The following BTBD8 variants were observed in gnomAD, a reference collection of about 807,000 sequenced individuals.
BTBD8 encodes BTB/POZ domain-containing protein 8.
BTBD8 carries 110 observed loss-of-function variants against 162.9 expected under a neutral mutation model. The observed-to-expected ratio is 0.68, with a 90% confidence interval of 0.58 to 0.79. The LOEUF is 0.79. Among genes scored for constraint, BTBD8 ranks in the 30% least tolerant of loss-of-function variants. The probability of loss-of-function intolerance (pLI) is 0.00; values close to 1 mark genes in which losing one functional copy is unlikely to be tolerated. For synonymous variants in BTBD8, 667 were observed against 716.1 expected (o/e 0.93, Z 1.10); for missense variants, 1,905 against 2,085.4 (o/e 0.91, Z 1.68).
intron 3 of BTBD8, among the ~76,000 whole-genome samples, chr1:92,106,034 G>T (rs1648715850): frequency 6.6e-6 from 1 of 152,196 alleles, no homozygotes; most frequent in Admixed American, 6.5e-5. Context: ...CCTTAAGTAG[G>T]AACTCAAAGT....
chr1:92,184,062 T>G lies in BTBD8; in HGVS notation c.5111T>G (p.Leu1704Arg), dbSNP rs1262046716. 1 of 1,551,680 alleles carries G rather than the reference T, an allele frequency of 6.4e-7. No homozygotes were observed. The highest frequency in any genetic ancestry group is 1.2e-5 in the South Asian group (1 of 84,068). The part of the protein sequence containing the change: ...AKQDWTLLKQ[L>R]LSEQDSNLDV... ...CAAGATTGGACACTACTAAAGCAAC[T>G]GCTCTCTGAACAGGATTCAAACTTA... Residue 1704 changes from leucine to arginine, a missense_variant, in exon 18 of 18, where the codon CTG becomes CGG. Around this residue, in one of 3 missense-constraint regions of BTBD8, gnomAD observed 517 missense variants for 606.6 expected, o/e 0.85. Coordinates refer to ENST00000636805, the MANE Select transcript of BTBD8 (RefSeq NM_001376131.1).
chr1:92,102,163 C>A (rs1306100252), intron 2 of BTBD8, among the ~76,000 whole-genome samples: 1 of 152,034 alleles, frequency 6.6e-6, no homozygotes, highest in Non-Finnish European at 1.5e-5. Context: ...CTTACAGACA[C>A]CCGCCACCAT....
intron 1 of BTBD8, 50 bp from the exon 2 acceptor site, chr1:92,088,648 C>T (rs1553120771): frequency 1.7e-5 from 24 of 1,380,882 alleles, no homozygotes; most frequent in African/African-American, 5.8e-5. Flanking sequence ...AATATGTATA[C>T]GTTTTTTAGT....
At chr1:92,177,688 G>A (rs1321654552) in intron 14 of BTBD8, 123 bp from the exon 15 acceptor site, 1 of 829,298 alleles carries the variant, frequency 1.2e-6, no homozygotes, top group Non-Finnish European at 1.9e-6. Flanking sequence ...TGCAAACAGA[G>A]AAAATGGTAG....
chr1:92,171,192 G>A (rs940852164), intron 12 of BTBD8, among the ~76,000 whole-genome samples: 3 of 151,422 alleles, frequency 2.0e-5, no homozygotes, highest in African/African-American at 2.4e-5. Context: ...AAAACCTAGG[G>A]GCCAGAGAAT....
At chr1:92,088,069 G>A (rs1648207107) in intron 1 of BTBD8, among the ~76,000 whole-genome samples, 3 of 152,246 alleles carry the variant, frequency 2.0e-5, no homozygotes, top group East Asian at 3.9e-4. Flanking sequence ...AAAGGATCAC[G>A]AATCCATCAT....
chr1:92,088,550 T>G, intron 1 of BTBD8, 148 bp from the exon 2 acceptor site: 1 of 562,170 alleles, frequency 1.8e-6, no homozygotes, highest in Non-Finnish European at 2.8e-6. Context: ...TTTTTTGGAA[T>G]GAACTGAGAA....
intron 10 of BTBD8, among the ~76,000 whole-genome samples, chr1:92,167,421 C>G (rs1293408886): frequency 6.6e-6 from 1 of 152,202 alleles, no homozygotes; most frequent in Admixed American, 6.5e-5. Flanking sequence ...TTTTAGAAAC[C>G]AAAGTCATAA....
At position 92,107,950 on chromosome 1, in the gene BTBD8, G is replaced by A. The variant is rs1570722302; in HGVS notation, c.611G>A (p.Cys204Tyr). 1 of 1,614,100 alleles carries A rather than the reference G, an allele frequency of 6.2e-7. No homozygotes were observed. Among genetic ancestry groups the A allele is most frequent in the Non-Finnish European group, 8.5e-7 (1 of 1,180,002 alleles). ...EDLLKLYVKPCCPDIDIFVDG... is the reference protein window; with the variant it reads ...EDLLKLYVKPYCPDIDIFVDG... The stretch of plus-strand genomic sequence containing the variant: ...TTATTGAAGCTTTATGTGAAACCTT[G>A]TTGCCCAGATATTGATATTTTTGTT... Residue 204 changes from cysteine to tyrosine, a missense_variant, in exon 4 of 18, where the codon TGT (cysteine) becomes TAT (tyrosine). Physicochemically the swap from Cys to Tyr is radical, Grantham distance 194. Around this residue, in one of 3 missense-constraint regions of BTBD8, gnomAD observed 1,374 missense variants for 1,442.7 expected, o/e 0.95. Coordinates refer to ENST00000636805, the MANE Select transcript of BTBD8 (RefSeq NM_001376131.1).
At chr1:92,165,119 C>CAA (rs779526131) in intron 9 of BTBD8, among the ~76,000 whole-genome samples, 12 of 101,256 alleles carry the variant, frequency 1.2e-4, no homozygotes, top group African/African-American at 2.9e-4. Context: ...AGACTTGTGT[C>CAA]AAAAAAAAAA....
intron 13 of BTBD8, among the ~76,000 whole-genome samples, 173 bp downstream of exon 13, chr1:92,171,633 T>G (rs1429173153): frequency 6.6e-6 from 1 of 152,246 alleles, no homozygotes; most frequent in Non-Finnish European, 1.5e-5. Context: ...TGTTTTAAAG[T>G]GAATTTTTTA....
chr1:92,112,247 A>G (rs6673406), intron 4 of BTBD8, among the ~76,000 whole-genome samples: 4,201 of 152,028 alleles, frequency 0.028, 174 homozygotes, highest in African/African-American at 0.094. Flanking sequence ...CCATCTCTAC[A>G]AAAAAATTTA....
chr1:92,184,499 T>A lies in BTBD8; in HGVS notation c.*169T>A. The stretch of plus-strand genomic sequence containing the variant: ...TTAATATATCACATATAGAAAAATG[T>A]TTTTCTAAAGTTTTTGAGCATGTTT... On this transcript the variant is annotated 3_prime_UTR_variant, in exon 18 of 18. Coordinates refer to ENST00000636805, the MANE Select transcript of BTBD8 (RefSeq NM_001376131.1). 1 of 440,492 alleles carries A rather than the reference T, an allele frequency of 2.3e-6. No homozygotes were observed. 27.3% of individuals were successfully genotyped at this position (440,492 alleles called of 1,614,324 possible).
At position 92,133,137 on chromosome 1, in the gene BTBD8, A is replaced by G. The variant is rs537385560; in HGVS notation, c.752+3361A>G. ...TACACAAAACAAATTCCAGTTTCCC[A>G]TTAACTTACATTGTAAACCTGGGCA... is the stretch of plus-strand genomic sequence containing the variant. On this transcript the variant is annotated intron_variant, in intron 5 of 17. Transcript: ENST00000636805. Among the ~76,000 whole-genome samples, 7 of 152,280 alleles carry G rather than the reference A, an allele frequency of 4.6e-5. No homozygotes were observed. The South Asian group carries it at 6.2e-4, about 14-fold the overall frequency.
At chr1:92,085,447 C>T (rs1228727836) in intron 1 of BTBD8, among the ~76,000 whole-genome samples, 1 of 152,162 alleles carries the variant, frequency 6.6e-6, no homozygotes, top group Non-Finnish European at 1.5e-5. Flanking sequence ...CAAAAACTAG[C>T]CTGGCATGGT....
At chr1:92,139,270 G>T in intron 5 of BTBD8, 80 bp from the exon 6 acceptor site, 1 of 1,446,238 alleles carries the variant, frequency 6.9e-7, no homozygotes, top group Non-Finnish European at 9.2e-7. Flanking sequence ...ATCTTGGCTC[G>T]AAGTTTATGG....
Position 92,184,402 on chromosome 1 carries a change from T to A in BTBD8, c.*72T>A. ...GCCTATATTATATCCAAATGATAAT[T>A]GCATTAGCCGGATATAAACTTTCTT... On this transcript the variant is annotated 3_prime_UTR_variant, in exon 18 of 18. Coordinates refer to ENST00000636805, the MANE Select transcript of BTBD8 (RefSeq NM_001376131.1). 1 of 911,340 alleles carries A rather than the reference T, an allele frequency of 1.1e-6. No homozygotes were observed. The highest frequency in any genetic ancestry group is 1.6e-6 in the Non-Finnish European group (1 of 613,152). 56.5% of individuals were successfully genotyped at this position (911,340 alleles called of 1,614,324 possible).
At chr1:92,129,811 A>G in intron 5 of BTBD8, 35 bp downstream of exon 5, 1 of 1,522,892 alleles carries the variant, frequency 6.6e-7, no homozygotes, top group Non-Finnish European at 9.1e-7. Context: ...TTGACTGCAA[A>G]TGATTGTAAA....
At chr1:92,163,578 A>T (rs951857833) in intron 9 of BTBD8, among the ~76,000 whole-genome samples, 18 of 145,112 alleles carry the variant, frequency 1.2e-4, no homozygotes, top group South Asian at 2.2e-4. Flanking sequence ...ACATTTGAAA[A>T]TTTTTTTTTT....
Sources: allele counts gnomAD v4.1 joint callset (sites outside exome capture counted in the v4.1 genomes callset), GRCh38; gene constraint gnomAD v4.1.1; regional missense constraint gnomAD v4.1.1; transcripts MANE v1.5; gene names NCBI Gene and HGNC (gene_info 2026-07-23, HGNC 2026-07-21).